The following ADAMTS2 variants were observed in gnomAD, a reference collection of about 807,000 sequenced individuals.
ADAMTS2 encodes the protein A disintegrin and metalloproteinase with thrombospondin motifs 2.
ADAMTS2 carries 50 observed loss-of-function variants against 123.0 expected under a neutral mutation model. That is an observed-to-expected ratio of 0.41 (90% CI 0.32 to 0.51). The LOEUF (loss-of-function observed/expected upper bound fraction) is 0.51, where lower values mean the gene tolerates loss of function less well. Ranked by LOEUF, ADAMTS2 falls within the 20% of genes least tolerant of loss-of-function variation. The pLI is 0.35. For missense variants in ADAMTS2, 1,494 were observed against 1,705.2 expected (o/e 0.88, Z 2.18); for synonymous variants, 678 against 695.4 (o/e 0.98, Z 0.39).
chr5:179,122,091 G>A (rs568077910), intron 20 of ADAMTS2, among the ~76,000 whole-genome samples: 2 of 152,252 alleles, frequency 1.3e-5, no homozygotes, highest in South Asian at 2.1e-4. Context: ...CAGAAAGCTT[G>A]GACAGAGAGT....
rs1009449053 is a variant in ADAMTS2, at chr5:179,308,979, G to A, written c.534+34788C>T. On this transcript the variant is annotated intron_variant, in intron 2 of 21. Transcript: ENST00000251582. This position sits in a 1 kb window ranked among gnomAD's most constrained non-coding sequence, Gnocchi z 6.6. ...AGGCCCTGGGTCCAGGGAAAGATAC[G>A]AAGAGGGCTGAGGCGGGCGTTCCTG... Among the ~76,000 whole-genome samples the A allele has an allele frequency of 1.6e-4, 25 of 152,340 alleles. No individual in the cohort carries two copies. The highest frequency in any genetic ancestry group is 5.9e-4 in the Admixed American group (9 of 15,306).
Position 179,317,210 on chromosome 5 carries a change from C to G in ADAMTS2, c.534+26557G>C, listed in dbSNP as rs1757024527. 6.6e-6 allele frequency among the ~76,000 whole-genome samples: 1 copy of G among 152,226 alleles called. No individual in the cohort carries two copies. Among genetic ancestry groups the G allele is most frequent in the Non-Finnish European group, 1.5e-5 (1 of 68,046 alleles). On this transcript the variant is annotated intron_variant, in intron 2 of 21. Transcript: ENST00000251582. The surrounding 1 kb of genome is among the most constrained non-coding windows in gnomAD (Gnocchi z 4.9). ...CCTCTGAGCATCCTTTTCCTCAGCA[C>G]TTTGGCGTCTTTCCTCCCAGTGGTT...
Position 179,189,519 on chromosome 5 carries a change from T to TG in ADAMTS2, c.892-8365_892-8364insC, listed in dbSNP as rs1764253846. On this transcript the variant is annotated intron_variant, in intron 4 of 21. Transcript: ENST00000251582. The surrounding 1 kb of genome is among the most constrained non-coding windows in gnomAD (Gnocchi z 4.2). The stretch of plus-strand genomic sequence containing the variant: ...CCCGCCAGTGCGCCTGGTTTTTTTT[T>TG]TTTTTTTTTTTTTTTTTTTAGTAGA... Among the ~76,000 whole-genome samples, 1 of 138,260 alleles carries TG rather than the reference T, an allele frequency of 7.2e-6. No individual in the cohort carries two copies. The highest frequency in any genetic ancestry group is 1.6e-5 in the Non-Finnish European group (1 of 63,954). The allele number at this position is 138,260 out of a possible 152,430, so 90.7% of individuals were successfully genotyped here.
chr5:179,179,556 C>T (rs936144272), intron 5 of ADAMTS2, among the ~76,000 whole-genome samples: 4 of 152,182 alleles, frequency 2.6e-5, no homozygotes, highest in Non-Finnish European at 4.4e-5. Context: ...TTATTAGCAT[C>T]TAATCTGTGA....
At position 179,122,713 on chromosome 5, in the gene ADAMTS2, C is replaced by G; in HGVS notation, c.3019G>C (p.Asp1007His). The G allele has an allele frequency of 2.6e-6, 4 of 1,552,130 alleles. No individual in the cohort carries two copies. The highest frequency in any genetic ancestry group is 3.5e-6 in the Non-Finnish European group (4 of 1,147,900). ...ERPVLCRTAD[D>H]SFGICQEERP... ...TCCTCCTGGCAGATGCCGAAGCTGT[C>G]GTCCGCGGTGCGGCAGAGCACTGGC... The change falls in exon 20 of 22, where the codon GAC becomes CAC. Residue 1007 changes from aspartate (D) to histidine (H), a missense_variant. Coordinates refer to ENST00000251582, the MANE Select transcript of ADAMTS2 (RefSeq NM_014244.5).
In ADAMTS2 at chr5:179,221,269, C is replaced by T. The variant is rs141417777; in HGVS notation, c.689-13554G>A. Among the ~76,000 whole-genome samples the T allele has an allele frequency of 8.4e-3, 1,281 of 152,288 alleles. 9 individuals carry two copies. The highest frequency in any genetic ancestry group is 0.017 in the Middle Eastern group (5 of 294). ...TGAGGGAACAAGCCCTGGGCCCAGG[C>T]AACAGGCACCCCTGCGTGACCCCAG... On this transcript the variant is annotated intron_variant, in intron 3 of 21. Transcript: ENST00000251582.
rs1413398854 is a variant in ADAMTS2, at chr5:179,303,507, C to G, written c.535-30443G>C. Among the ~76,000 whole-genome samples the G allele has an allele frequency of 1.3e-5, 2 of 152,206 alleles. No homozygotes were observed. The highest frequency in any genetic ancestry group is 4.8e-5 in the African/African-American group (2 of 41,438). On this transcript the variant is annotated intron_variant, in intron 2 of 21. Coordinates refer to ENST00000251582, the MANE Select transcript of ADAMTS2 (RefSeq NM_014244.5). The surrounding 1 kb of genome is among the most constrained non-coding windows in gnomAD (Gnocchi z 4.7). Reference sequence around the variant, plus strand: ...TCTCTGGTATTCCTCAGCCTAGATACAAGGCAGGTCAAACTCCAGAAGCGG... The same window carrying G: ...TCTCTGGTATTCCTCAGCCTAGATAGAAGGCAGGTCAAACTCCAGAAGCGG...
intron 3 of ADAMTS2, among the ~76,000 whole-genome samples, chr5:179,248,205 T>A (rs1374185137): frequency 1.3e-5 from 2 of 152,056 alleles, no homozygotes; most frequent in Non-Finnish European, 2.9e-5. Context: ...ATTCCCAGGA[T>A]AACCAATAAG....
intron 21 of ADAMTS2, among the ~76,000 whole-genome samples, chr5:179,114,681 C>T (rs1762628225): frequency 6.6e-6 from 1 of 152,186 alleles, no homozygotes; most frequent in African/African-American, 2.4e-5. Flanking sequence ...AGGACTTTAT[C>T]ACATCTTCAC....
At position 179,132,148 on chromosome 5, in the gene ADAMTS2, C is replaced by T. The variant is rs1410380209; in HGVS notation, c.2290+82G>A. The T allele has an allele frequency of 1.4e-6, 2 of 1,416,882 alleles. No homozygotes were observed. The highest frequency in any genetic ancestry group is 2.3e-5 in the East Asian group (1 of 43,414). The allele number at this position is 1,416,882 out of a possible 1,614,324, so 87.8% of individuals were successfully genotyped here. On this transcript the variant is annotated intron_variant, in intron 15 of 21. Transcript: ENST00000251582. This position sits in a 1 kb window ranked among gnomAD's most constrained non-coding sequence, Gnocchi z 6.1. ...ATGGCTGCACAACCCGGGCCCCTGA[C>T]CCCTGACCCCTGGCACTCTGCCCAT...
intron 2 of ADAMTS2, chr5:179,341,357 A>G (rs937821377): frequency 5.0e-6 from 2 of 398,988 alleles, no homozygotes; most frequent in African/African-American, 4.3e-5. Context: ...AGAAAGAAAA[A>G]AAGGAAGGAA....
intron 4 of ADAMTS2, among the ~76,000 whole-genome samples, chr5:179,186,034 T>A (rs1764163717): frequency 6.6e-6 from 1 of 152,038 alleles, no homozygotes; most frequent in Non-Finnish European, 1.5e-5. Flanking sequence ...CCTTCCTCCC[T>A]TCCACACCAG....
chr5:179,128,169 T>A lies in ADAMTS2; in HGVS notation c.2458-51A>T, dbSNP rs373433328. ...TGCCTGACCTGCCCTCCATGCTTCC[T>A]CCCCAGCCAGCTTAGGAACGGCAGC... On this transcript the variant is annotated intron_variant, in intron 16 of 21. Transcript: ENST00000251582. The surrounding 1 kb of genome is among the most constrained non-coding windows in gnomAD (Gnocchi z 4.9). The A allele has an allele frequency of 2.1e-5, 34 of 1,605,814 alleles. 1 individual carries two copies. The African/African-American group carries it at 3.1e-4, about 15-fold the overall frequency.
chr5:179,287,838 A>C (rs1756064824), intron 2 of ADAMTS2, among the ~76,000 whole-genome samples: 1 of 152,132 alleles, frequency 6.6e-6, no homozygotes, highest in Non-Finnish European at 1.5e-5. Flanking sequence ...ACACTACCCG[A>C]CGGACGTCCC....
intron 13 of ADAMTS2, among the ~76,000 whole-genome samples, chr5:179,135,217 C>T (rs987504530): frequency 6.6e-6 from 1 of 150,962 alleles, no homozygotes; most frequent in African/African-American, 2.4e-5. Flanking sequence ...CGCCCACTCC[C>T]CTAGAGGTGC....
At chr5:179,292,379 A>G (rs1756214887) in intron 2 of ADAMTS2, among the ~76,000 whole-genome samples, 1 of 151,760 alleles carries the variant, frequency 6.6e-6, no homozygotes, top group Non-Finnish European at 1.5e-5. Flanking sequence ...TAGCTGGGAC[A>G]GCACACTCGA....
Position 179,345,239 on chromosome 5 carries a change from C to T in ADAMTS2, c.90G>A (p.Pro30=), listed in dbSNP as rs1369487165. Residue 30 remains proline, a synonymous_variant, in exon 1 of 22, where the codon CCG becomes CCA. Transcript: ENST00000251582. The surrounding 1 kb of genome is among the most constrained non-coding windows in gnomAD (Gnocchi z 7.5). ...LLLLPPPLLP[P]PPPPANARLA... Reference sequence around the variant, plus strand: ...GCCTGGCGTTCGCGGGCGGCGGCGGCGGCGGCAGGAGCGGCGGCGGCAGCA... The same window carrying T: ...GCCTGGCGTTCGCGGGCGGCGGCGGTGGCGGCAGGAGCGGCGGCGGCAGCA... 1 of 1,143,636 alleles carries T rather than the reference C, an allele frequency of 8.7e-7. No individual in the cohort carries two copies. Among genetic ancestry groups the T allele is most frequent in the South Asian group, 4.2e-5 (1 of 23,858 alleles). The allele number at this position is 1,143,636 out of a possible 1,614,324, so 70.8% of individuals were successfully genotyped here. A position where few individuals can be genotyped will look rare whatever the true frequency, so the allele number is the denominator to read the frequency against.
At position 179,317,957 on chromosome 5, in the gene ADAMTS2, C is replaced by T. The variant is rs1414146818; in HGVS notation, c.534+25810G>A. 1.3e-5 allele frequency among the ~76,000 whole-genome samples: 2 copies of T among 152,088 alleles called. No homozygotes were observed. Among genetic ancestry groups the T allele is most frequent in the African/African-American group, 2.4e-5 (1 of 41,416 alleles). ...GGCTCATCCAGGGCTGGGGTGGAGC[C>T]GGGACATGAGGAACGGGCAGTGATG... On this transcript the variant is annotated intron_variant, in intron 2 of 21. Transcript: ENST00000251582. The surrounding 1 kb of genome is among the most constrained non-coding windows in gnomAD (Gnocchi z 4.9).
chr5:179,196,377 C>A (rs538495790), intron 4 of ADAMTS2, among the ~76,000 whole-genome samples: 6 of 152,156 alleles, frequency 3.9e-5, no homozygotes, highest in African/African-American at 1.4e-4. Context: ...GGCCTAGGAG[C>A]GTGTCTGCCC....
Sources: allele counts gnomAD v4.1 joint callset (sites outside exome capture counted in the v4.1 genomes callset), GRCh38; gene constraint gnomAD v4.1.1; non-coding constraint Gnocchi (gnomAD v3.1); transcripts MANE v1.5; gene names NCBI Gene and HGNC (gene_info 2026-07-23, HGNC 2026-07-21).